GRB10: variants seen among roughly 807,000 people sequenced by gnomAD.
GRB10 encodes growth factor receptor bound protein 10.
GRB10 carries 20 observed loss-of-function variants against 80.9 expected under a neutral mutation model. The observed-to-expected ratio is 0.25, with a 90% CI of 0.17 to 0.36. The LOEUF (loss-of-function observed/expected upper bound fraction) is 0.36, where lower values mean the gene tolerates loss of function less well. GRB10 is among the 10% of genes least tolerant of loss of function. The pLI, the probability that GRB10 is intolerant of heterozygous loss-of-function variation, is 1.00. For missense variants in GRB10, 548 were observed against 747.7 expected, an observed-to-expected ratio of 0.73 and a Z score of 3.12; for synonymous variants, 291 against 291.5, an observed-to-expected ratio of 1.00 and a Z score of 0.02.
chr7:50,660,809 T>C (rs2059187928), intron 7 of GRB10, among the ~76,000 whole-genome samples: 1 of 148,206 alleles, frequency 6.7e-6, no homozygotes, highest in Admixed American at 6.8e-5. Flanking sequence ...CAAGGGACCA[T>C]CCTGTGATGG....
intron 18 of GRB10, among the ~76,000 whole-genome samples, chr7:50,594,126 A>T (rs925011117): frequency 1.3e-5 from 2 of 152,174 alleles, no homozygotes; most frequent in African/African-American, 4.8e-5. Context: ...TTTCCCTAGG[A>T]CAGTAATTCC....
intron 3 of GRB10, among the ~76,000 whole-genome samples, chr7:50,734,988 T>A (rs2070538183): frequency 6.6e-6 from 1 of 152,008 alleles, no homozygotes; most frequent in Non-Finnish European, 1.5e-5. Context: ...ATAAAAGGGA[T>A]CCAAATTGGA....
At chr7:50,625,346 T>C (rs183830609) in intron 8 of GRB10, among the ~76,000 whole-genome samples, 24 of 152,264 alleles carry the variant, frequency 1.6e-4, no homozygotes, top group African/African-American at 4.6e-4. Flanking sequence ...ACAATAATCA[T>C]TGTATTTGGG....
At chr7:50,620,444 GAAC>G (rs1276659986) in intron 8 of GRB10, among the ~76,000 whole-genome samples, 2 of 148,468 alleles carry the variant, frequency 1.3e-5, no homozygotes, top group African/African-American at 4.9e-5. Flanking sequence ...CGTCTACAAC[GAAC>G]AACTGTCGCC....
At chr7:50,658,905 C>T (rs1586493475) in intron 7 of GRB10, among the ~76,000 whole-genome samples, 1 of 152,174 alleles carries the variant, frequency 6.6e-6, no homozygotes, top group Non-Finnish European at 1.5e-5. Flanking sequence ...GTCGGGCCTT[C>T]GGGATTATTC....
chr7:50,755,614 G>A (rs757774), intron 3 of GRB10, among the ~76,000 whole-genome samples: 94,393 of 151,820 alleles, frequency 0.62, 32,100 homozygotes, highest in Middle Eastern at 0.87. Context: ...GCATGTCCGC[G>A]AGGAGAGTGT....
intron 2 of GRB10, among the ~76,000 whole-genome samples, chr7:50,756,577 G>A (rs760186941): frequency 6.6e-6 from 1 of 152,220 alleles, no homozygotes; most frequent in Non-Finnish European, 1.5e-5. Context: ...TGCAGAGCAG[G>A]CAGACCTGGG....
At chr7:50,631,270 TA>T (rs1433709844) in intron 7 of GRB10, among the ~76,000 whole-genome samples, 1 of 152,062 alleles carries the variant, frequency 6.6e-6, no homozygotes, top group Non-Finnish European at 1.5e-5. Flanking sequence ...AATCGCCTTG[TA>T]AAAATAGCAA....
intron 10 of GRB10, chr7:50,617,819 G>A (rs1178113270): frequency 5.3e-6 from 3 of 566,260 alleles, no homozygotes; most frequent in Non-Finnish European, 9.4e-6. Flanking sequence ...ACTCTTCTAA[G>A]TCAGAGCAAG....
chr7:50,648,760 A>G (rs543743796), intron 7 of GRB10, among the ~76,000 whole-genome samples: 1 of 152,220 alleles, frequency 6.6e-6, no homozygotes, highest in African/African-American at 2.4e-5. Context: ...TCACTGAGAC[A>G]TAACAATGGA....
intron 7 of GRB10, among the ~76,000 whole-genome samples, chr7:50,658,316 G>T (rs1445357766): frequency 6.6e-6 from 1 of 152,238 alleles, no homozygotes; most frequent in Non-Finnish European, 1.5e-5. Context: ...AAGCTGTCAG[G>T]TAGGTAAATT....
chr7:50,768,538 T>C (rs2076612553), intron 2 of GRB10, among the ~76,000 whole-genome samples: 1 of 152,210 alleles, frequency 6.6e-6, no homozygotes, highest in Non-Finnish European at 1.5e-5. Flanking sequence ...CAGTACACAC[T>C]TACCATGTCA....
At chr7:50,687,526 G>A (rs940233226) in intron 5 of GRB10, among the ~76,000 whole-genome samples, 2 of 151,974 alleles carry the variant, frequency 1.3e-5, no homozygotes, top group Admixed American at 1.3e-4. Flanking sequence ...CCTCTTGCAT[G>A]CACGCTTCCC....
rs2048148019 is a variant in GRB10, at chr7:50,604,385, A to G, written c.1390-8T>C. ...CATCCGTGTGCTTCGCTTCTGCAAA[A>G]GAAATCCCACATTAGCACCGAGGAC... On this transcript the variant is annotated splice_region_variant and splice_polypyrimidine_tract_variant and intron_variant, in intron 15 of 18. Transcript: ENST00000401949. 1.2e-6 allele frequency: 2 copies of G among 1,611,064 alleles called. No individual in the cohort carries two copies. The highest frequency in any genetic ancestry group is 2.2e-5 in the East Asian group (1 of 44,866).
intron 7 of GRB10, among the ~76,000 whole-genome samples, chr7:50,654,937 G>A (rs1563310275): frequency 6.6e-6 from 1 of 152,118 alleles, no homozygotes; most frequent in African/African-American, 2.4e-5. Flanking sequence ...ATTTAGCCAA[G>A]TGTCTGACTC....
chr7:50,674,774 G>A, intron 5 of GRB10, 116 bp from the exon 6 acceptor site: 1 of 848,998 alleles, frequency 1.2e-6, no homozygotes, highest in Non-Finnish European at 1.9e-6. Context: ...CAAATATTAT[G>A]GAAGGGGTAG....
chr7:50,766,085 G>A (rs1027666758), intron 2 of GRB10, among the ~76,000 whole-genome samples: 2 of 152,192 alleles, frequency 1.3e-5, no homozygotes, highest in Non-Finnish European at 2.9e-5. Context: ...AGACTTCTGG[G>A]TTCGACTATT....
chr7:50,739,486 G>A (rs4245558), intron 3 of GRB10, among the ~76,000 whole-genome samples: 12,770 of 152,178 alleles, frequency 0.084, 921 homozygotes, highest in Admixed American at 0.19. Flanking sequence ...TGACACATCC[G>A]TGACCAATCC....
rs115194149 is a variant in GRB10 at position 50,619,403 on chromosome 7, T to A, written c.662-118A>T. On this transcript the variant is annotated intron_variant, in intron 8 of 18. Transcript: ENST00000401949. Reference sequence around the variant, plus strand: ...CTTCTTTAAACATTATGAATAAAGATGAGGTCAGGAAGGAAACTAAATTTA... The same window carrying A: ...CTTCTTTAAACATTATGAATAAAGAAGAGGTCAGGAAGGAAACTAAATTTA... The A allele has an allele frequency of 4.3e-3, 3,215 of 739,994 alleles. 77 individuals are homozygous for A. In the African/African-American group the frequency reaches 0.049, roughly 11 times the overall value. 45.8% of individuals were successfully genotyped at this position (739,994 alleles called of 1,614,324 possible). A position where few individuals can be genotyped will look rare whatever the true frequency, so the allele number is the denominator to read the frequency against.
Sources: allele counts gnomAD v4.1 joint callset (sites outside exome capture counted in the v4.1 genomes callset), GRCh38; gene constraint gnomAD v4.1.1; transcripts MANE v1.5; gene names NCBI Gene and HGNC (gene_info 2026-07-23, HGNC 2026-07-21).